WWC2: variants seen among roughly 807,000 people sequenced by gnomAD.
WWC2 encodes the protein protein WWC2.
A neutral mutation model predicts 138.5 loss-of-function variants in WWC2; 101 were observed. That is an observed-to-expected ratio of 0.73 (90% CI 0.62 to 0.86). WWC2 has a LOEUF of 0.86. WWC2 is among the 40% of genes least tolerant of loss of function. WWC2 has a pLI of 0.00. For synonymous variants in WWC2, 558 were observed against 538.4 expected, an observed-to-expected ratio of 1.04 and a Z score of -0.50; for missense variants, 1,420 against 1,419.4, an observed-to-expected ratio of 1.00 and a Z score of -0.01.
At chr4:183,251,477 A>G (rs1194904389) in intron 8 of WWC2, among the ~76,000 whole-genome samples, 1 of 152,184 alleles carries the variant, frequency 6.6e-6, no homozygotes, top group East Asian at 1.9e-4. Flanking sequence ...TTGACTTCTA[A>G]GTGAATTTTA....
intron 4 of WWC2, among the ~76,000 whole-genome samples, chr4:183,225,035 C>A (rs763091770): frequency 3.3e-5 from 5 of 151,812 alleles, no homozygotes; most frequent in Non-Finnish European, 7.4e-5. Flanking sequence ...TGAAAGTTTT[C>A]TTTTACTCTG....
At position 183,318,200 on chromosome 4, in the gene WWC2, G is replaced by A. The variant is rs1739501513; in HGVS notation, c.*2471G>A. The stretch of plus-strand genomic sequence containing the variant: ...TATATTATTACAATTTTGTATATCA[G>A]AATCTTAAGTGTTACAGGTACAAAA... On this transcript the variant is annotated 3_prime_UTR_variant, in exon 23 of 23. Coordinates refer to ENST00000403733, the MANE Select transcript of WWC2 (RefSeq NM_024949.6). The A allele has an allele frequency of 6.6e-6, 1 of 152,514 alleles. No individual in the cohort carries two copies. Among genetic ancestry groups the A allele is most frequent in the East Asian group, 1.9e-4 (1 of 5,198 alleles). 9.4% of individuals were successfully genotyped at this position (152,514 alleles called of 1,614,324 possible).
At chr4:183,129,157 A>G (rs182781130) in intron 1 of WWC2, among the ~76,000 whole-genome samples, 20 of 152,350 alleles carry the variant, frequency 1.3e-4, no homozygotes, top group African/African-American at 4.3e-4. Context: ...TAGGGATAGC[A>G]GTTACTTGGA....
At chr4:183,152,517 G>A (rs1733666338) in intron 1 of WWC2, among the ~76,000 whole-genome samples, 1 of 143,622 alleles carries the variant, frequency 7.0e-6, no homozygotes, top group Non-Finnish European at 1.5e-5. Flanking sequence ...AAGAAAAAAG[G>A]TAAAGTGAAA....
intron 1 of WWC2, among the ~76,000 whole-genome samples, chr4:183,126,402 C>T (rs1732758539): frequency 6.6e-6 from 1 of 152,184 alleles, no homozygotes; most frequent in Non-Finnish European, 1.5e-5. Flanking sequence ...CAATGACATC[C>T]TGGTTCTCAA....
rs190872138 is a variant in WWC2, at chr4:183,210,686, C to T, written c.522+1661C>T. Among the ~76,000 whole-genome samples the T allele has an allele frequency of 3.3e-3, 501 of 152,252 alleles. 7 individuals are homozygous for T. Among genetic ancestry groups the T allele is most frequent in the Non-Finnish European group, 3.5e-3 (236 of 68,016 alleles). ...ATCACAGAGTATACTAATGCAAGCC[C>T]GTATCATAGGGCTACTACACACCTC... On this transcript the variant is annotated intron_variant, in intron 4 of 22. Transcript: ENST00000403733.
intron 4 of WWC2, among the ~76,000 whole-genome samples, chr4:183,232,438 T>G (rs1218574901): frequency 1.3e-5 from 2 of 152,132 alleles, no homozygotes; most frequent in African/African-American, 4.8e-5. Context: ...ACCTCCCTCC[T>G]CCATCCTCTG....
At chr4:183,240,833 A>G (rs1351844827) in intron 5 of WWC2, among the ~76,000 whole-genome samples, 10 of 152,174 alleles carry the variant, frequency 6.6e-5, no homozygotes, top group Admixed American at 2.0e-4. Context: ...TTGCTACTGA[A>G]GTTGGCTGGG....
chr4:183,262,779 C>T (rs1274624155), intron 11 of WWC2, among the ~76,000 whole-genome samples: 4 of 147,624 alleles, frequency 2.7e-5, no homozygotes, highest in Non-Finnish European at 4.4e-5. Context: ...GGTGTGTGTG[C>T]GTGCGTGCGT....
At chr4:183,126,015 A>T (rs1014944334) in intron 1 of WWC2, among the ~76,000 whole-genome samples, 2 of 152,208 alleles carry the variant, frequency 1.3e-5, no homozygotes, top group African/African-American at 2.4e-5. Context: ...TGTAGATGCA[A>T]GGTCAGCATG....
chr4:183,221,394 G>A (rs1040101752), intron 4 of WWC2, among the ~76,000 whole-genome samples: 5 of 152,188 alleles, frequency 3.3e-5, no homozygotes, highest in South Asian at 2.1e-4. Flanking sequence ...TGTCGAAGAT[G>A]TAAACAATAA....
At chr4:183,104,040 G>A (rs1225655192) in intron 1 of WWC2, among the ~76,000 whole-genome samples, 1 of 149,998 alleles carries the variant, frequency 6.7e-6, no homozygotes, top group Non-Finnish European at 1.5e-5. Context: ...GCTCACTGCA[G>A]CCTCCACCTC....
At chr4:183,211,002 CA>C (rs1309809085) in intron 4 of WWC2, among the ~76,000 whole-genome samples, 1 of 152,208 alleles carries the variant, frequency 6.6e-6, no homozygotes, top group African/African-American at 2.4e-5. Flanking sequence ...TTACTTTATG[CA>C]CAGGCTTTTG....
At chr4:183,186,248 A>C (rs1003328148) in intron 1 of WWC2, among the ~76,000 whole-genome samples, 2 of 152,152 alleles carry the variant, frequency 1.3e-5, no homozygotes, top group African/African-American at 4.8e-5. Context: ...CTGGCCTAAC[A>C]TAGAATATTG....
chr4:183,141,199 G>T (rs1379166645), intron 1 of WWC2, among the ~76,000 whole-genome samples: 1 of 152,144 alleles, frequency 6.6e-6, no homozygotes, highest in Admixed American at 6.5e-5. Context: ...TCACAGTTTT[G>T]AAGTCCAAGG....
At chr4:183,126,718 A>C (rs1732767848) in intron 1 of WWC2, among the ~76,000 whole-genome samples, 1 of 152,052 alleles carries the variant, frequency 6.6e-6, no homozygotes, top group Admixed American at 6.6e-5. Flanking sequence ...ATGTATGCAC[A>C]CACACTGGTT....
intron 1 of WWC2, among the ~76,000 whole-genome samples, chr4:183,182,325 T>G (rs913770941): frequency 6.6e-6 from 1 of 152,178 alleles, no homozygotes; most frequent in African/African-American, 2.4e-5. Flanking sequence ...CATGAGCAAT[T>G]ATTATCCACC....
chr4:183,168,790 A>T (rs1734194472), intron 1 of WWC2, among the ~76,000 whole-genome samples: 1 of 152,246 alleles, frequency 6.6e-6, no homozygotes, highest in Non-Finnish European at 1.5e-5. Flanking sequence ...ATGGCATGTG[A>T]ATACAAGAGT....
At chr4:183,278,189 T>TC (rs1737933296) in intron 16 of WWC2, among the ~76,000 whole-genome samples, 1 of 151,912 alleles carries the variant, frequency 6.6e-6, no homozygotes, top group Admixed American at 6.5e-5. Context: ...TTCAGCTTTC[T>TC]CCATATGGCT....
Sources: gnomAD v4.1 joint callset for allele counts (sites outside exome capture counted in the v4.1 genomes callset) on GRCh38, gnomAD v4.1.1 for gene constraint, MANE v1.5 for transcripts, NCBI Gene and HGNC (gene_info 2026-07-23, HGNC 2026-07-21) for gene names.